The following IL1RAPL1 variants were observed in gnomAD, a reference collection of about 807,000 sequenced individuals.
IL1RAPL1 encodes the protein interleukin 1 receptor accessory protein like 1, also known as interleukin-1 receptor accessory protein-like 1.
A neutral mutation model predicts 48.4 loss-of-function variants in IL1RAPL1; 3 were observed. That is an observed-to-expected ratio of 0.06 (90% confidence interval 0.03 to 0.16). IL1RAPL1 has a LOEUF of 0.16. Among genes scored for constraint, IL1RAPL1 ranks in the 10% least tolerant of loss-of-function variants. The probability of loss-of-function intolerance (pLI) is 1.00; values close to 1 mark genes in which losing one functional copy is unlikely to be tolerated. For missense variants in IL1RAPL1, 349 were observed against 530.6 expected, an observed-to-expected ratio of 0.66 and a Z score of 3.36; for synonymous variants, 185 against 187.7, an observed-to-expected ratio of 0.99 and a Z score of 0.12.
intron 3 of IL1RAPL1, among the ~76,000 whole-genome samples, chrX:29,366,256 AC>A (rs1157489516): frequency 2.7e-5 from 3 of 110,439 alleles, no homozygotes; most frequent in East Asian, 2.8e-4. Flanking sequence ...TTTTCTAAGG[AC>A]CCCTTCTAGG....
At chrX:28,962,348 C>T (rs1924802193) in intron 2 of IL1RAPL1, among the ~76,000 whole-genome samples, 1 of 111,751 alleles carries the variant, frequency 8.9e-6, no homozygotes, top group Non-Finnish European at 1.9e-5. Flanking sequence ...CAAACTACCT[C>T]TTCTTATGTT....
Position 29,396,244 on chromosome X carries a change from C to G in IL1RAPL1, c.363-14C>G. On this transcript the variant is annotated splice_polypyrimidine_tract_variant and intron_variant, in intron 3 of 10. Transcript: ENST00000378993. ...TTCACACCAGGTCACTGTATTTATT[C>G]TGCTTTGTTACAGAAACTCCACTTA... 2 of 1,192,899 alleles carry G rather than the reference C, an allele frequency of 1.7e-6. No individual in the cohort carries two copies. Among genetic ancestry groups the G allele is most frequent in the Non-Finnish European group, 2.3e-6 (2 of 878,310 alleles).
chrX:29,238,797 A>G (rs1931355925), intron 2 of IL1RAPL1, among the ~76,000 whole-genome samples: 1 of 112,560 alleles, frequency 8.9e-6, no homozygotes, highest in Non-Finnish European at 1.9e-5. Flanking sequence ...GATCTGTTTC[A>G]GGTACACTGT....
intron 2 of IL1RAPL1, among the ~76,000 whole-genome samples, chrX:28,996,243 G>A (rs1327076544): frequency 9.0e-6 from 1 of 111,421 alleles, no homozygotes; most frequent in Non-Finnish European, 1.9e-5. Flanking sequence ...CTTCTTTCAT[G>A]TAATGTAATG....
chrX:28,781,819 T>A (rs1027961639), intron 1 of IL1RAPL1, among the ~76,000 whole-genome samples: 6 of 111,322 alleles, frequency 5.4e-5, no homozygotes, highest in African/African-American at 2.0e-4. Context: ...GAAATTGCTT[T>A]CCAGTAAAAC....
intron 5 of IL1RAPL1, among the ~76,000 whole-genome samples, chrX:29,422,438 C>A (rs1934302151): frequency 9.0e-6 from 1 of 110,964 alleles, no homozygotes; most frequent in African/African-American, 3.3e-5. Flanking sequence ...GGCTACAGAA[C>A]CCTACAGTTC....
chrX:29,947,313 G>A (rs1383319159), intron 9 of IL1RAPL1, among the ~76,000 whole-genome samples: 1 of 111,644 alleles, frequency 9.0e-6, no homozygotes, highest in African/African-American at 3.3e-5. Flanking sequence ...TTTTCAGAGT[G>A]TAAAATGGTT....
intron 1 of IL1RAPL1, among the ~76,000 whole-genome samples, chrX:28,630,311 A>G (rs1215598641): frequency 1.8e-5 from 2 of 111,468 alleles, no homozygotes; most frequent in East Asian, 5.7e-4. Context: ...ACACTTTATC[A>G]TTCTCTCACT....
intron 6 of IL1RAPL1, among the ~76,000 whole-genome samples, chrX:29,907,049 A>G (rs1031555282): frequency 1.8e-5 from 2 of 111,905 alleles, no homozygotes; most frequent in African/African-American, 6.5e-5. Context: ...AGCAAAGTTA[A>G]TGGTAGCATT....
intron 5 of IL1RAPL1, among the ~76,000 whole-genome samples, chrX:29,581,877 G>A (rs1289574167): frequency 9.0e-6 from 1 of 111,348 alleles, no homozygotes; most frequent in Admixed American, 9.6e-5. Flanking sequence ...CAGTAAGAGA[G>A]AGCACCATCT....
At chrX:28,729,979 A>T (rs1935734248) in intron 1 of IL1RAPL1, among the ~76,000 whole-genome samples, 1 of 111,804 alleles carries the variant, frequency 8.9e-6, no homozygotes, top group Non-Finnish European at 1.9e-5. Flanking sequence ...AAAACAAAAA[A>T]AATTATGACT....
intron 2 of IL1RAPL1, among the ~76,000 whole-genome samples, chrX:28,902,749 A>G (rs1255604722): frequency 9.0e-6 from 1 of 111,616 alleles, no homozygotes; most frequent in Non-Finnish European, 1.9e-5. Flanking sequence ...ATGGCCTGTT[A>G]GGAACTGGGA....
chrX:29,557,079 G>A (rs1922027687), intron 5 of IL1RAPL1, among the ~76,000 whole-genome samples: 1 of 111,842 alleles, frequency 8.9e-6, no homozygotes, highest in African/African-American at 3.2e-5. Context: ...TTTTCCATAA[G>A]TGGCAAATAA....
At chrX:29,628,460 T>C (rs972489263) in intron 5 of IL1RAPL1, among the ~76,000 whole-genome samples, 3 of 111,732 alleles carry the variant, frequency 2.7e-5, no homozygotes, top group African/African-American at 9.8e-5. Context: ...AAATCTTTAT[T>C]GTTCATCAGC....
rs1454180850 is a variant in IL1RAPL1 at position 29,582,353 on chromosome X, TTTTTTTTA to T, written c.704-86055_704-86048del. ...AACTAATGATAAAGATAGCATCTTT[TTTTTTTTA>T]TTTTTTTATTTTTTTATTTTTATTT... On this transcript the variant is annotated intron_variant, in intron 5 of 10. Transcript: ENST00000378993. Among the ~76,000 whole-genome samples, 3 of 62,235 alleles carry T rather than the reference TTTTTTTTA, an allele frequency of 4.8e-5. No homozygotes were observed. The East Asian group carries it at 1.4e-3, about 29-fold the overall frequency. The allele number at this position is 62,235 out of a possible 115,157, so 54.0% of individuals were successfully genotyped here.
chrX:28,839,677 G>A (rs1921318709), intron 2 of IL1RAPL1, among the ~76,000 whole-genome samples: 1 of 110,383 alleles, frequency 9.1e-6, no homozygotes, highest in Non-Finnish European at 1.9e-5. Context: ...AAAATAGATA[G>A]CAACTATTAT....
intron 5 of IL1RAPL1, among the ~76,000 whole-genome samples, chrX:29,496,469 C>CTTT (rs60141942): frequency 4.8e-4 from 35 of 73,272 alleles, no homozygotes; most frequent in African/African-American, 8.5e-4. Context: ...TTTCTTATTC[C>CTTT]TTTTTTTTTT....
intron 1 of IL1RAPL1, among the ~76,000 whole-genome samples, chrX:28,647,190 A>T (rs2146901846): frequency 8.9e-6 from 1 of 112,553 alleles, no homozygotes; most frequent in South Asian, 3.6e-4. Flanking sequence ...TTAAAAATTA[A>T]TAATAAATAA....
intron 6 of IL1RAPL1, among the ~76,000 whole-genome samples, chrX:29,719,533 C>G (rs984801927): frequency 9.1e-6 from 1 of 110,069 alleles, no homozygotes; most frequent in East Asian, 2.8e-4. Flanking sequence ...TTTTTTAAAT[C>G]TTTAACTCAA....
Sources: gnomAD v4.1 joint callset for allele counts (sites outside exome capture counted in the v4.1 genomes callset) on GRCh38, gnomAD v4.1.1 for gene constraint, MANE v1.5 for transcripts, NCBI Gene and HGNC (gene_info 2026-07-23, HGNC 2026-07-21) for gene names.